Variants in KRT23 observed in about 807,000 individuals in gnomAD.
KRT23 encodes the protein keratin 23.
KRT23 carries 38 observed loss-of-function variants against 47.6 expected under a neutral mutation model. The observed-to-expected ratio is 0.80, with a 90% confidence interval of 0.62 to 1.05. The LOEUF is 1.05. Ranked by LOEUF, KRT23 falls within the 50% of genes least tolerant of loss-of-function variation. The pLI is 0.00. For missense variants in KRT23, 503 were observed against 529.5 expected, an observed-to-expected ratio of 0.95 and a Z score of 0.49; for synonymous variants, 191 against 199.0, an observed-to-expected ratio of 0.96 and a Z score of 0.34.
At chr17:40,932,375 C>T (rs1024166458) in intron 2 of KRT23, among the ~76,000 whole-genome samples, 1 of 152,098 alleles carries the variant, frequency 6.6e-6, no homozygotes, top group African/African-American at 2.4e-5. Flanking sequence ...ATGTTATAGT[C>T]AGAGAAATAG....
intron 3 of KRT23, among the ~76,000 whole-genome samples, chr17:40,930,800 TAAA>T (rs1909611766): frequency 1.4e-5 from 2 of 140,106 alleles, no homozygotes; most frequent in South Asian, 4.7e-4. Context: ...AATAAATAAA[TAAA>T]ATAAACATAA....
intron 2 of KRT23, among the ~76,000 whole-genome samples, chr17:40,934,240 A>T (rs886897985): frequency 2.6e-5 from 4 of 152,178 alleles, no homozygotes; most frequent in Non-Finnish European, 4.4e-5. Context: ...TCTTCAAATG[A>T]GGGAGGTTGG....
intron 3 of KRT23, 141 bp from the exon 4 acceptor site, chr17:40,930,237 T>C: frequency 5.8e-6 from 4 of 686,380 alleles, no homozygotes; most frequent in South Asian, 2.2e-5. Flanking sequence ...GTCTTTTTTA[T>C]GCCAGTTTCA....
At chr17:40,929,906 G>A (rs765303853) in intron 4 of KRT23, 34 bp downstream of exon 4, 17 of 1,604,252 alleles carry the variant, frequency 1.1e-5, no homozygotes, top group Non-Finnish European at 1.4e-5. Context: ...GCTAAGAGCT[G>A]TGCTTATTAG....
chr17:40,936,353 G>A lies in KRT23; in HGVS notation c.251C>T (p.Ala84Val), dbSNP rs746252276. Residue 84 changes from alanine (A) to valine (V), a missense_variant, in exon 2 of 9, where the codon GCC becomes GTC. By Grantham distance (64) the Ala-to-Val change is moderately conservative. Transcript: ENST00000209718. ...GGCGCGAACCTTCTCCAGGTAGGAGGCCAGGCGGTCGTTGAGATTCTGCAT... is the reference window on the plus strand; with the variant it reads ...GGCGCGAACCTTCTCCAGGTAGGAGACCAGGCGGTCGTTGAGATTCTGCAT... ...ATMQNLNDRL[A>V]SYLEKVRALE... 1.2e-6 allele frequency: 2 copies of A among 1,614,228 alleles called. No homozygotes were observed. The highest frequency in any genetic ancestry group is 1.1e-5 in the South Asian group (1 of 91,092).
rs952333222 is a variant in KRT23 at position 40,925,572 on chromosome 17, T to C, written c.924A>G (p.Lys308=). ...CGGATAACATGTTTTCCAAAGCAGA[T>C]TTCTGAAAGAGGAAATGATCTTCTG... ...EIDLQTQYST[K]SALENMLSET... is the part of the protein sequence containing the mutation. Residue 308 remains lysine (K), a splice_region_variant and synonymous_variant, in exon 7 of 9, where the codon AAA becomes AAG. Transcript: ENST00000209718. 24 of 1,608,860 alleles carry C rather than the reference T, an allele frequency of 1.5e-5. No individual in the cohort carries two copies. The highest frequency in any genetic ancestry group is 1.9e-5 in the Non-Finnish European group (22 of 1,176,184).
Position 40,925,537 on chromosome 17 carries a change from G to T in KRT23, c.959C>A (p.Ser320Tyr). Residue 320 changes from serine (S) to tyrosine (Y), a missense_variant, in exon 7 of 9, where the codon TCT (serine) becomes TAT (tyrosine). Ser to Tyr is a moderately radical substitution (Grantham distance 144, BLOSUM62 -2). Coordinates refer to ENST00000209718, the MANE Select transcript of KRT23 (RefSeq NM_015515.5). ...ALENMLSETQ[S>Y]RYSCKLQDMQ... ...GTCCTGGAGCTTGCAGGAGTACCGA[G>T]ACTGGGTCTCGGATAACATGTTTTC... is the stretch of plus-strand genomic sequence containing the variant. The T allele has an allele frequency of 1.2e-6, 2 of 1,614,130 alleles. No homozygotes were observed. Among genetic ancestry groups the T allele is most frequent in the South Asian group, 2.2e-5 (2 of 91,074 alleles).
rs182665450 is a variant in KRT23, at chr17:40,929,881, G to C, written c.636+59C>G. 509 of 1,525,658 alleles carry C rather than the reference G, an allele frequency of 3.3e-4. 1 individual carries two copies. The highest frequency in any genetic ancestry group is 4.5e-4 in the Middle Eastern group (2 of 4,454). The allele number at this position is 1,525,658 out of a possible 1,614,324, so 94.5% of individuals were successfully genotyped here. On this transcript the variant is annotated intron_variant, in intron 4 of 8. Coordinates refer to ENST00000209718, the MANE Select transcript of KRT23 (RefSeq NM_015515.5). ...GGTTTCTTCTGTAGCTGTCGAATCA[G>C]CCTGAGATGTGCAGGCTAAGAGCTG...
chr17:40,925,612 G>A (rs1360597620), intron 6 of KRT23, 38 bp from the exon 7 acceptor site: 23 of 1,444,146 alleles, frequency 1.6e-5, no homozygotes, highest in Non-Finnish European at 2.2e-5. Flanking sequence ...TTAACTGATG[G>A]CTTGATTGAG....
rs767175557 is a variant in KRT23, at chr17:40,936,378, T to G, written c.226A>C (p.Met76Leu). Reference protein sequence around the residue: ...PLLGGNGKATMQNLNDRLASY... With the variant: ...PLLGGNGKATLQNLNDRLASY... ...GCCAGGCGGTCGTTGAGATTCTGCA[T>G]GGTGGCCTTCCCATTTCCGCCTAGT... The change falls in exon 2 of 9, where the codon ATG (methionine) becomes CTG (leucine). Residue 76 changes from methionine (M) to leucine (L), a missense_variant. By Grantham distance (15) the Met-to-Leu change is conservative. Transcript: ENST00000209718. 9 of 1,614,082 alleles carry G rather than the reference T, an allele frequency of 5.6e-6. No homozygotes were observed. Among genetic ancestry groups the G allele is most frequent in the Non-Finnish European group, 6.8e-6 (8 of 1,180,032 alleles).
At position 40,936,569 on chromosome 17, in the gene KRT23, G is replaced by A. The variant is rs1377203416; in HGVS notation, c.35C>T (p.Ser12Leu). ...NSGHSFSQTP[S>L]ASFHGAGGGW... ...ACCTCCGGCGCCATGGAAGGAGGCCGAGGGGGTCTGGCTGAAGCTGTGTCC... is the reference window on the plus strand; with the variant it reads ...ACCTCCGGCGCCATGGAAGGAGGCCAAGGGGGTCTGGCTGAAGCTGTGTCC... Residue 12 changes from serine (S) to leucine (L), a missense_variant, in exon 2 of 9, where the codon TCG (serine) becomes TTG (leucine). Transcript: ENST00000209718. 1.6e-5 allele frequency: 25 copies of A among 1,519,632 alleles called. No homozygotes were observed. Among genetic ancestry groups the A allele is most frequent in the Non-Finnish European group, 2.0e-5 (23 of 1,137,080 alleles). The allele number at this position is 1,519,632 out of a possible 1,614,324, so 94.1% of individuals were successfully genotyped here. A position where few individuals can be genotyped will look rare whatever the true frequency, so the allele number is the denominator to read the frequency against.
intron 3 of KRT23, 94 bp downstream of exon 3, chr17:40,931,279 G>A: frequency 1.2e-6 from 1 of 862,496 alleles, no homozygotes; most frequent in South Asian, 1.4e-5. Context: ...CAAAGTGCTG[G>A]GATTACAGGT....
At chr17:40,934,373 C>G (rs549703388) in intron 2 of KRT23, among the ~76,000 whole-genome samples, 2 of 152,322 alleles carry the variant, frequency 1.3e-5, no homozygotes, top group Non-Finnish European at 2.9e-5. Context: ...TATTCAATCT[C>G]AGAACCCAGA....
chr17:40,928,219 T>C lies in KRT23; in HGVS notation c.921+19A>G, dbSNP rs1909353018. The C allele has an allele frequency of 1.9e-6, 3 of 1,613,690 alleles. No individual in the cohort carries two copies. Among genetic ancestry groups the C allele is most frequent in the Non-Finnish European group, 8.5e-7 (1 of 1,179,864 alleles). The stretch of plus-strand genomic sequence containing the variant: ...AAGGAGGTGGTGTGGGATTCACGGT[T>C]TTCCTAGCCTTGACTCACCGTGCTG... On this transcript the variant is annotated intron_variant, in intron 6 of 8. Coordinates refer to ENST00000209718, the MANE Select transcript of KRT23 (RefSeq NM_015515.5).
At chr17:40,923,190 CCAA>C in intron 8 of KRT23, 107 bp from the exon 9 acceptor site, 3 of 790,504 alleles carry the variant, frequency 3.8e-6, no homozygotes, top group Non-Finnish European at 6.4e-6. Flanking sequence ...TCAGTGCCTT[CCAA>C]ATGATCACTA....
Position 40,929,761 on chromosome 17 carries a change from G to A in KRT23, c.636+179C>T, listed in dbSNP as rs77753470. ...ATTTTGGTTGTTGTATTTGACATGT[G>A]ACTAGCTAACCTTGAAATTAGAAAC... On this transcript the variant is annotated intron_variant, in intron 4 of 8. Transcript: ENST00000209718. 6.9e-3 allele frequency: 3,511 copies of A among 512,106 alleles called. 104 individuals are homozygous for A. The highest frequency in any genetic ancestry group is 0.062 in the African/African-American group (3,213 of 52,240). 31.7% of individuals were successfully genotyped at this position (512,106 alleles called of 1,614,324 possible).
intron 7 of KRT23, 75 bp from the exon 8 acceptor site, chr17:40,924,578 T>G: frequency 3.5e-6 from 4 of 1,139,222 alleles, no homozygotes; most frequent in Non-Finnish European, 5.3e-6. Context: ...ATGAACTAAC[T>G]TCCTTCGCTT....
chr17:40,927,323 G>A (rs1300724438), intron 6 of KRT23, among the ~76,000 whole-genome samples: 2 of 152,160 alleles, frequency 1.3e-5, no homozygotes, highest in East Asian at 1.9e-4. Context: ...TACATGCCTC[G>A]CCTGTTTCAC....
intron 4 of KRT23, chr17:40,929,715 T>C: frequency 4.2e-6 from 2 of 481,350 alleles, no homozygotes; most frequent in Admixed American, 3.7e-5. Flanking sequence ...TGTTGACCAA[T>C]TCATCATTAA....
Sources: allele counts gnomAD v4.1 joint callset (sites outside exome capture counted in the v4.1 genomes callset), GRCh38; gene constraint gnomAD v4.1.1; transcripts MANE v1.5; gene names NCBI Gene and HGNC (gene_info 2026-07-23, HGNC 2026-07-21).